The following EVC2 variants were observed in gnomAD, a reference collection of about 807,000 sequenced individuals.
EVC2 encodes the protein limbin.
EVC2 carries 148 observed loss-of-function variants against 149.3 expected under a neutral mutation model. The observed-to-expected ratio is 0.99, with a 90% CI of 0.87 to 1.14. The LOEUF (loss-of-function observed/expected upper bound fraction) is 1.14, where lower values mean the gene tolerates loss of function less well. EVC2 is among the 50% of genes most tolerant of loss of function. EVC2 has a pLI of 0.00. For missense variants in EVC2, 1,854 were observed against 1,627.3 expected (o/e 1.14, Z -2.40); for synonymous variants, 776 against 649.9 (o/e 1.19, Z -2.95).
intron 9 of EVC2, among the ~76,000 whole-genome samples, chr4:5,662,643 T>G (rs988523322): frequency 6.9e-6 from 1 of 145,794 alleles, no homozygotes. Flanking sequence ...AAATATAATA[T>G]ATTAATTATA....
intron 16 of EVC2, among the ~76,000 whole-genome samples, chr4:5,593,162 A>C (rs1007101799): frequency 2.0e-5 from 3 of 152,070 alleles, no homozygotes; most frequent in African/African-American, 7.2e-5. Flanking sequence ...ACCTCTTTCC[A>C]TTATAAATCA....
chr4:5,698,820 A>G (rs1007403377), intron 1 of EVC2, among the ~76,000 whole-genome samples: 2 of 152,224 alleles, frequency 1.3e-5, no homozygotes, highest in African/African-American at 4.8e-5. Context: ...GTTTCTGTGT[A>G]ATGGAAGAAG....
chr4:5,708,030 G>C (rs1722328105), intron 1 of EVC2: 1 of 389,904 alleles, frequency 2.6e-6, no homozygotes, highest in Non-Finnish European at 4.5e-6. Context: ...TCGTAAAATG[G>C]AGAGCAGGAT....
In EVC2 at chr4:5,584,782, C is replaced by A. The variant is rs150055324; in HGVS notation, c.2898G>T (p.Ser966=). Residue 966 remains serine (S), a synonymous_variant, in exon 17 of 22, where the codon TCG becomes TCT. Coordinates refer to ENST00000344408, the MANE Select transcript of EVC2 (RefSeq NM_147127.5). ...CCTTCTGGAACTGCAGAGCAACAAGCGACTGTGCAAAGCCTCCCTCCTGTG... is the reference window on the plus strand; with the variant it reads ...CCTTCTGGAACTGCAGAGCAACAAGAGACTGTGCAAAGCCTCCCTCCTGTG... ...MEAQEGGFAQ[S]LVALQFQKAS... The A allele has an allele frequency of 6.2e-7, 1 of 1,614,142 alleles. No homozygotes were observed. Among genetic ancestry groups the A allele is most frequent in the Non-Finnish European group, 8.5e-7 (1 of 1,180,020 alleles).
At chr4:5,642,790 C>A (rs936220754) in intron 9 of EVC2, among the ~76,000 whole-genome samples, 2 of 152,164 alleles carry the variant, frequency 1.3e-5, no homozygotes, top group African/African-American at 4.8e-5. Context: ...TGTAAAAATA[C>A]AAGGGTTTTA....
rs1716008124 is a variant in EVC2 at position 5,625,112 on chromosome 4, G to A, written c.2046+637C>T. Among the ~76,000 whole-genome samples, 1 of 151,998 alleles carries A rather than the reference G, an allele frequency of 6.6e-6. No individual in the cohort carries two copies. The highest frequency in any genetic ancestry group is 6.6e-5 in the Admixed American group (1 of 15,262). ...TCTGATGTCTCTCTCACCTCCGGAA[G>A]ACCCTTCAACATTCCCCACTATCCT... On this transcript the variant is annotated intron_variant, in intron 13 of 21. Transcript: ENST00000344408. The surrounding 1 kb of genome is among the most constrained non-coding windows in gnomAD (Gnocchi z 4.0).
At position 5,631,442 on chromosome 4, in the gene EVC2, C is replaced by T. The variant is rs73198177; in HGVS notation, c.1710+351G>A. ...TGTTATGCCAAGCACTAACTTTCCA[C>T]GAGTCAGCTCATCAAATTTCCATCA... On this transcript the variant is annotated intron_variant, in intron 11 of 21. Coordinates refer to ENST00000344408, the MANE Select transcript of EVC2 (RefSeq NM_147127.5). 5.1e-3 allele frequency among the ~76,000 whole-genome samples: 775 copies of T among 152,274 alleles called. 2 individuals are homozygous for T. The highest frequency in any genetic ancestry group is 0.016 in the African/African-American group (673 of 41,548).
chr4:5,618,699 A>T lies in EVC2; in HGVS notation c.2502-17T>A, dbSNP rs1715460342. On this transcript the variant is annotated splice_polypyrimidine_tract_variant and intron_variant, in intron 14 of 21. Coordinates refer to ENST00000344408, the MANE Select transcript of EVC2 (RefSeq NM_147127.5). This position sits in a 1 kb window ranked among gnomAD's most constrained non-coding sequence, Gnocchi z 4.4. Reference sequence around the variant, plus strand: ...CAGAGCTTCCTGGGAGGAAGAACAGAGACACACTCTTAACACAGAGAAAGC... The same window carrying T: ...CAGAGCTTCCTGGGAGGAAGAACAGTGACACACTCTTAACACAGAGAAAGC... The T allele has an allele frequency of 6.4e-7, 1 of 1,573,788 alleles. No homozygotes were observed.
Position 5,677,645 on chromosome 4 carries a change from T to C in EVC2, c.870+3615A>G, listed in dbSNP as rs1017021096. On this transcript the variant is annotated intron_variant, in intron 7 of 21. Coordinates refer to ENST00000344408, the MANE Select transcript of EVC2 (RefSeq NM_147127.5). The surrounding 1 kb of genome is among the most constrained non-coding windows in gnomAD (Gnocchi z 4.3). ...CTCAGAAATACCCTTACATGAGCATTCTCTGCCTTTTATTACACTCATACA... is the reference window on the plus strand; with the variant it reads ...CTCAGAAATACCCTTACATGAGCATCCTCTGCCTTTTATTACACTCATACA... Among the ~76,000 whole-genome samples the C allele has an allele frequency of 2.0e-5, 3 of 152,116 alleles. No individual in the cohort carries two copies. The highest frequency in any genetic ancestry group is 7.2e-5 in the African/African-American group (3 of 41,402).
intron 21 of EVC2, among the ~76,000 whole-genome samples, chr4:5,548,778 T>A (rs1255452759): frequency 6.6e-6 from 1 of 152,146 alleles, no homozygotes; most frequent in Non-Finnish European, 1.5e-5. Flanking sequence ...ACAAAGGCAA[T>A]AGAGATTCAT....
At position 5,594,440 on chromosome 4, in the gene EVC2, G is replaced by A. The variant is rs200176857; in HGVS notation, c.2830-9590C>T. On this transcript the variant is annotated intron_variant, in intron 16 of 21. Coordinates refer to ENST00000344408, the MANE Select transcript of EVC2 (RefSeq NM_147127.5). ...GAAAATCCGCTGTTCTGCAGCCACC[G>A]CTGCTGGTACCCAGGTAAACAGCGT... Among the ~76,000 whole-genome samples, 49 of 152,300 alleles carry A rather than the reference G, an allele frequency of 3.2e-4. No individual in the cohort carries two copies. The East Asian group carries it at 5.8e-3, about 18-fold the overall frequency.
intron 14 of EVC2, among the ~76,000 whole-genome samples, chr4:5,620,804 A>C (rs996857389): frequency 6.6e-6 from 1 of 152,230 alleles, no homozygotes; most frequent in African/African-American, 2.4e-5. Context: ...AAGTTGAAGA[A>C]AATGACCAGC....
At chr4:5,597,180 C>T (rs1445085187) in intron 16 of EVC2, among the ~76,000 whole-genome samples, 1 of 152,034 alleles carries the variant, frequency 6.6e-6, no homozygotes, top group Non-Finnish European at 1.5e-5. Flanking sequence ...CTATTCCAAT[C>T]AATAGAAAAA....
intron 18 of EVC2, among the ~76,000 whole-genome samples, chr4:5,575,032 A>G (rs1345906858): frequency 6.6e-6 from 1 of 152,186 alleles, no homozygotes; most frequent in African/African-American, 2.4e-5. Context: ...AGACTTTCCT[A>G]TGGCTTTACA....
intron 9 of EVC2, among the ~76,000 whole-genome samples, chr4:5,653,947 T>C (rs990755324): frequency 1.3e-5 from 2 of 152,140 alleles, no homozygotes; most frequent in Non-Finnish European, 2.9e-5. Flanking sequence ...GGCATGGTGG[T>C]TCATGCCTGT....
intron 16 of EVC2, 120 bp from the exon 17 acceptor site, chr4:5,584,970 A>G (rs1712150447): frequency 9.3e-7 from 1 of 1,076,946 alleles, no homozygotes; most frequent in African/African-American, 1.6e-5. Flanking sequence ...AAAAGTTTAC[A>G]ATGGAGACGC....
rs1454690359 is a variant in EVC2 at position 5,625,313 on chromosome 4, C to G, written c.2046+436G>C. 8.4e-6 allele frequency among the ~76,000 whole-genome samples: 1 copy of G among 119,390 alleles called. No homozygotes were observed. The highest frequency in any genetic ancestry group is 1.5e-5 in the Non-Finnish European group (1 of 65,324). 78.3% of individuals were successfully genotyped at this position (119,390 alleles called of 152,430 possible). On this transcript the variant is annotated intron_variant, in intron 13 of 21. Coordinates refer to ENST00000344408, the MANE Select transcript of EVC2 (RefSeq NM_147127.5). This position sits in a 1 kb window ranked among gnomAD's most constrained non-coding sequence, Gnocchi z 4.0. ...AGATATTTGACCTTGACCATACACA[C>G]ACACACACACACACACACACACACA...
intron 9 of EVC2, among the ~76,000 whole-genome samples, chr4:5,661,316 G>A (rs1251990338): frequency 6.6e-6 from 1 of 152,206 alleles, no homozygotes; most frequent in East Asian, 1.9e-4. Flanking sequence ...AGCTTTGAAT[G>A]ATCTCAATCT....
Position 5,631,810 on chromosome 4 carries a change from T to G in EVC2, c.1693A>C (p.Asn565His), listed in dbSNP as rs748867934. Residue 565 changes from asparagine to histidine, a missense_variant, in exon 11 of 22, where the codon AAT becomes CAT. Transcript: ENST00000344408. ...TGTATTACCTGTATTTTAGAATAAT[T>G]TTGCAGCAGCATTTTAGCTGCCTCT... is the stretch of plus-strand genomic sequence containing the variant. ...KPEAAKMLLQ[N>H]YSKIQENVEE... 1.4e-5 allele frequency: 23 copies of G among 1,614,040 alleles called. No homozygotes were observed. The highest frequency in any genetic ancestry group is 1.9e-5 in the Non-Finnish European group (23 of 1,179,890).
Sources: allele counts gnomAD v4.1 joint callset (sites outside exome capture counted in the v4.1 genomes callset), GRCh38; gene constraint gnomAD v4.1.1; non-coding constraint Gnocchi (gnomAD v3.1); transcripts MANE v1.5; gene names NCBI Gene and HGNC (gene_info 2026-07-23, HGNC 2026-07-21).